USP42: variants seen among roughly 807,000 people sequenced by gnomAD.
The protein encoded by USP42 is ubiquitin carboxyl-terminal hydrolase 42.
USP42 carries 23 observed loss-of-function variants against 113.0 expected under a neutral mutation model. The observed-to-expected ratio is 0.20, with a 90% CI of 0.15 to 0.29. The LOEUF (loss-of-function observed/expected upper bound fraction) is 0.29. Ranked by LOEUF, USP42 falls within the 10% of genes least tolerant of loss-of-function variation. USP42 has a pLI of 1.00. For synonymous variants in USP42, 933 were observed against 699.0 expected (o/e 1.33, Z -5.28); for missense variants, 2,174 against 1,779.8 (o/e 1.22, Z -3.99).
At chr7:6,108,987 A>G (rs531688523) in intron 1 of USP42, among the ~76,000 whole-genome samples, 1 of 152,226 alleles carries the variant, frequency 6.6e-6, no homozygotes, top group Admixed American at 6.5e-5. Flanking sequence ...GAATAAGAAC[A>G]TGGTAGAGAA....
chr7:6,112,330 T>G (rs991097814), intron 2 of USP42, among the ~76,000 whole-genome samples: 2 of 152,054 alleles, frequency 1.3e-5, no homozygotes, highest in African/African-American at 4.8e-5. Context: ...GTGCCTATAA[T>G]CCCAGCTACT....
intron 3 of USP42, among the ~76,000 whole-genome samples, chr7:6,133,973 C>T (rs759561975): frequency 6.6e-6 from 1 of 151,046 alleles, no homozygotes; most frequent in Non-Finnish European, 1.5e-5. Context: ...TCACTGCAAG[C>T]TCTGCTTCCT....
At chr7:6,103,525 A>AG (rs1790201864), upstream of USP42, among the ~76,000 whole-genome samples, 1 of 149,812 alleles carries the variant, frequency 6.7e-6, no homozygotes, top group Non-Finnish European at 1.5e-5. Context: ...TCAAAAAAAA[A>AG]AAAGAAAAAG....
chr7:6,124,132 TC>T (rs1362813050), intron 3 of USP42, among the ~76,000 whole-genome samples: 2 of 152,014 alleles, frequency 1.3e-5, no homozygotes, highest in African/African-American at 4.8e-5. Flanking sequence ...TGCCTCAGTC[TC>T]CCTAAGTGCT....
In USP42 at chr7:6,139,951, G is replaced by A. The variant is rs1483526908; in HGVS notation, c.657-177G>A. 9 of 649,786 alleles carry A rather than the reference G, an allele frequency of 1.4e-5. No individual in the cohort carries two copies. In the East Asian group the frequency reaches 1.9e-4, roughly 14 times the overall value. 40.3% of individuals were successfully genotyped at this position (649,786 alleles called of 1,614,324 possible). A position where few individuals can be genotyped will look rare whatever the true frequency, so the allele number is the denominator to read the frequency against. On this transcript the variant is annotated intron_variant, in intron 5 of 17. Transcript: ENST00000306177. The surrounding 1 kb of genome is among the most constrained non-coding windows in gnomAD (Gnocchi z 4.5). Reference sequence around the variant, plus strand: ...CCTCCCGCCACTCCCAGACCTCCCTGTGTTCTGGCCAGGAAGGGATGCTCT... The same window carrying A: ...CCTCCCGCCACTCCCAGACCTCCCTATGTTCTGGCCAGGAAGGGATGCTCT...
At chr7:6,082,369 C>T in the USP42 span, among the ~76,000 whole-genome samples, 25 of 152,106 alleles carry the variant, frequency 1.6e-4, no homozygotes, top group Middle Eastern at 0.024. Context: ...ACCTCGTGAT[C>T]CGCCTGCCTT....
At chr7:6,105,931 C>T (rs772438081) in intron 1 of USP42, among the ~76,000 whole-genome samples, 1 of 152,090 alleles carries the variant, frequency 6.6e-6, no homozygotes. Context: ...AAGTCAATAC[C>T]CTGACAGCAA....
At chr7:6,152,811 A>T (rs1166858038) in intron 14 of USP42, 1 of 350,056 alleles carries the variant, frequency 2.9e-6, no homozygotes, top group Non-Finnish European at 4.0e-6. Context: ...AAAGCCTCTG[A>T]TTCCTCATAA....
chr7:6,115,273 C>G, intron 2 of USP42, 50 bp from the exon 3 acceptor site: 10 of 1,573,950 alleles, frequency 6.4e-6, no homozygotes, highest in Non-Finnish European at 8.7e-6. Context: ...ATTTATTTAG[C>G]TTCAGTATGC....
At chr7:6,119,892 C>G (rs142323930) in intron 3 of USP42, among the ~76,000 whole-genome samples, 54 of 152,238 alleles carry the variant, frequency 3.5e-4, no homozygotes, top group African/African-American at 1.3e-3. Flanking sequence ...TTTGTAGAGA[C>G]AGTCTCACCA....
At chr7:6,141,111 C>A in intron 7 of USP42, 127 bp downstream of exon 7, 5 of 437,480 alleles carry the variant, frequency 1.1e-5, no homozygotes, top group Non-Finnish European at 1.2e-5. Context: ...GCTAAGATTT[C>A]ATTTGGAGGA....
At chr7:6,123,167 A>G (rs530028408) in intron 3 of USP42, among the ~76,000 whole-genome samples, 4 of 152,154 alleles carry the variant, frequency 2.6e-5, no homozygotes, top group Admixed American at 6.5e-5. Flanking sequence ...ACCATTTATG[A>G]AATGACCCTC....
chr7:6,134,609 G>A (rs531377448), intron 3 of USP42, among the ~76,000 whole-genome samples: 23 of 152,234 alleles, frequency 1.5e-4, no homozygotes, highest in Middle Eastern at 3.4e-3. Context: ...CGGTGCATTC[G>A]AGGCTGTTGA....
At chr7:6,104,455 G>A (rs370628315), upstream of USP42, among the ~76,000 whole-genome samples, 1 of 152,260 alleles carries the variant, frequency 6.6e-6, no homozygotes, top group African/African-American at 2.4e-5. Context: ...TAGTTGCAGA[G>A]GGCGAAGCCC....
upstream of USP42, chr7:6,104,795 T>G: frequency 6.6e-6 from 1 of 151,780 alleles, no homozygotes; most frequent in Non-Finnish European, 1.5e-5. Context: ...CTCGCCGTGC[T>G]TGTTAGCTGC....
the USP42 span, among the ~76,000 whole-genome samples, chr7:6,090,258 C>G: frequency 7.1e-6 from 1 of 141,464 alleles, no homozygotes; most frequent in South Asian, 2.2e-4. Context: ...CGAGATCACG[C>G]CATTGCACAC....
chr7:6,151,703 A>C (rs1161406014), intron 14 of USP42, among the ~76,000 whole-genome samples: 1 of 152,134 alleles, frequency 6.6e-6, no homozygotes, highest in African/African-American at 2.4e-5. Context: ...GTGGCCTCCC[A>C]AAGGGCTGGG....
the USP42 span, among the ~76,000 whole-genome samples, chr7:6,087,542 G>GC: frequency 6.7e-6 from 1 of 150,134 alleles, no homozygotes; most frequent in Non-Finnish European, 1.5e-5. Context: ...TTGCCATGTT[G>GC]CCCAGGCTGA....
At chr7:6,144,315 A>G (rs1336636058) in intron 9 of USP42, 119 bp downstream of exon 9, 5 of 643,346 alleles carry the variant, frequency 7.8e-6, no homozygotes, top group Non-Finnish European at 1.3e-5. Flanking sequence ...ACTATTACCT[A>G]CATTTGGGCT....
Sources: gnomAD v4.1 joint callset for allele counts (sites outside exome capture counted in the v4.1 genomes callset) on GRCh38, gnomAD v4.1.1 for gene constraint, Gnocchi (gnomAD v3.1) non-coding constraint, MANE v1.5 for transcripts, NCBI Gene and HGNC (gene_info 2026-07-23, HGNC 2026-07-21) for gene names.